Variants in NCKAP5 observed in about 807,000 individuals in gnomAD.
NCKAP5 encodes the protein NCK associated protein 5.
A neutral mutation model predicts 167.0 loss-of-function variants in NCKAP5; 92 were observed. The observed-to-expected ratio is 0.55, with a 90% CI of 0.47 to 0.66. NCKAP5 has a LOEUF of 0.66. Among genes scored for constraint, NCKAP5 ranks in the 30% least tolerant of loss-of-function variants. NCKAP5 has a pLI of 0.00. For missense variants in NCKAP5, 2,378 were observed against 2,315.0 expected, an observed-to-expected ratio of 1.03 and a Z score of -0.56; for synonymous variants, 891 against 877.4, an observed-to-expected ratio of 1.02 and a Z score of -0.27.
At chr2:133,452,461 T>A (rs150924508) in intron 3 of NCKAP5, among the ~76,000 whole-genome samples, 1 of 152,280 alleles carries the variant, frequency 6.6e-6, no homozygotes, top group East Asian at 1.9e-4. Flanking sequence ...GACCTATGGC[T>A]GATAATATGT....
chr2:133,222,574 A>G (rs949514891), intron 4 of NCKAP5, among the ~76,000 whole-genome samples: 3 of 152,200 alleles, frequency 2.0e-5, no homozygotes, highest in Admixed American at 2.0e-4. Context: ...ATTCTTTTAA[A>G]ATATTCTTAA....
chr2:133,154,183 G>C (rs562231149), intron 5 of NCKAP5, among the ~76,000 whole-genome samples: 28 of 152,242 alleles, frequency 1.8e-4, no homozygotes, highest in African/African-American at 6.3e-4. Flanking sequence ...TTGATTAAAT[G>C]AGCATCTCTT....
At chr2:133,341,340 A>T (rs1037082411) in intron 3 of NCKAP5, among the ~76,000 whole-genome samples, 2 of 150,160 alleles carry the variant, frequency 1.3e-5, no homozygotes, top group African/African-American at 4.9e-5. Flanking sequence ...TCCCCTCATT[A>T]ACAAGAACTC....
At chr2:133,352,095 T>A (rs1197678881) in intron 3 of NCKAP5, among the ~76,000 whole-genome samples, 1 of 152,208 alleles carries the variant, frequency 6.6e-6, no homozygotes, top group Non-Finnish European at 1.5e-5. Flanking sequence ...CCATAGCTCG[T>A]CACCTCTCTC....
At chr2:133,347,988 G>A (rs1441938578) in intron 3 of NCKAP5, among the ~76,000 whole-genome samples, 1 of 152,226 alleles carries the variant, frequency 6.6e-6, no homozygotes, top group Non-Finnish European at 1.5e-5. Flanking sequence ...TACCTTCTGC[G>A]ATGGGGCAGG....
chr2:133,408,586 T>C (rs1287022197), intron 3 of NCKAP5, among the ~76,000 whole-genome samples: 1 of 152,198 alleles, frequency 6.6e-6, no homozygotes, highest in Non-Finnish European at 1.5e-5. Flanking sequence ...AGAAAGGCCC[T>C]GTTATTTAAT....
chr2:133,390,594 T>C (rs1687328296), intron 3 of NCKAP5, among the ~76,000 whole-genome samples: 1 of 152,218 alleles, frequency 6.6e-6, no homozygotes, highest in East Asian at 1.9e-4. Flanking sequence ...GGCTCCTTCC[T>C]CATCTCCCCA....
chr2:133,444,732 A>G (rs569279585), intron 3 of NCKAP5, among the ~76,000 whole-genome samples: 1 of 152,304 alleles, frequency 6.6e-6, no homozygotes, highest in Admixed American at 6.5e-5. Flanking sequence ...TGAACTCAGC[A>G]GAACAGGAGT....
chr2:133,106,389 G>T (rs968941732), intron 6 of NCKAP5, among the ~76,000 whole-genome samples: 1 of 152,134 alleles, frequency 6.6e-6, no homozygotes, highest in East Asian at 1.9e-4. Flanking sequence ...CGTTTTAGTG[G>T]GAATGGAGAA....
At chr2:132,739,901 C>G (rs1258294889) in intron 16 of NCKAP5, among the ~76,000 whole-genome samples, 1 of 152,006 alleles carries the variant, frequency 6.6e-6, no homozygotes, top group Non-Finnish European at 1.5e-5. Context: ...TTTTAAAAAG[C>G]CTATACAAAT....
intron 8 of NCKAP5, among the ~76,000 whole-genome samples, chr2:132,913,098 A>G (rs958450045): frequency 7.2e-5 from 11 of 151,872 alleles, no homozygotes; most frequent in Admixed American, 7.2e-4. Context: ...TTCAGCTACC[A>G]TCACCAGGGC....
At chr2:133,672,765 T>C in the NCKAP5 span, among the ~76,000 whole-genome samples, 1 of 152,230 alleles carries the variant, frequency 6.6e-6, no homozygotes, top group Admixed American at 6.5e-5. Context: ...GATTTGGGCC[T>C]GTGATCTGTA....
chr2:132,769,001 G>A (rs547595748), intron 16 of NCKAP5, among the ~76,000 whole-genome samples: 26 of 147,106 alleles, frequency 1.8e-4, no homozygotes, highest in Non-Finnish European at 3.4e-4. Flanking sequence ...CTGGAGTGCA[G>A]TGGTGTGATC....
At chr2:133,040,560 T>A (rs73956100) in intron 6 of NCKAP5, among the ~76,000 whole-genome samples, 1,582 of 152,300 alleles carry the variant, frequency 0.01, 31 homozygotes, top group African/African-American at 0.036. Context: ...AATTCCAGGA[T>A]AATTACATAA....
At chr2:133,045,936 T>C (rs2149470100) in intron 6 of NCKAP5, among the ~76,000 whole-genome samples, 1 of 152,300 alleles carries the variant, frequency 6.6e-6, no homozygotes, top group East Asian at 1.9e-4. Context: ...CTGGATGCCA[T>C]GACAGTTGAT....
intron 19 of NCKAP5, among the ~76,000 whole-genome samples, chr2:132,700,908 A>C (rs1383898723): frequency 7.6e-5 from 9 of 119,006 alleles, no homozygotes; most frequent in African/African-American, 3.0e-4. Flanking sequence ...TCTTTCCTGC[A>C]TGCTGGTTAC....
chr2:133,598,142 T>C, the NCKAP5 span, among the ~76,000 whole-genome samples: 11 of 152,224 alleles, frequency 7.2e-5, no homozygotes, highest in African/African-American at 2.7e-4. Context: ...TCCTCATCCC[T>C]GTAATGAGGA....
At chr2:132,868,700 T>C (rs1690556328) in intron 10 of NCKAP5, among the ~76,000 whole-genome samples, 1 of 152,214 alleles carries the variant, frequency 6.6e-6, no homozygotes, top group Admixed American at 6.5e-5. Context: ...TCTGGGTAAA[T>C]GAAAATCACC....
At chr2:132,751,311 C>T (rs1230097073) in intron 16 of NCKAP5, among the ~76,000 whole-genome samples, 1 of 152,076 alleles carries the variant, frequency 6.6e-6, no homozygotes, top group Non-Finnish European at 1.5e-5. Flanking sequence ...GCCTGCTTCC[C>T]TTTGCCTTCC....
Sources: gnomAD v4.1 joint callset for allele counts (sites outside exome capture counted in the v4.1 genomes callset) on GRCh38, gnomAD v4.1.1 for gene constraint, MANE v1.5 for transcripts, NCBI Gene and HGNC (gene_info 2026-07-23, HGNC 2026-07-21) for gene names.